Variants in NSD1 observed in about 807,000 individuals in gnomAD.
NSD1 encodes nuclear receptor binding SET domain protein 1, also known as histone-lysine N-methyltransferase, H3 lysine-36 specific.
A neutral mutation model predicts 242.7 loss-of-function variants in NSD1; 26 were observed. The ratio of observed to expected loss-of-function variants is 0.11; its 90% confidence interval spans 0.08 to 0.15. The LOEUF is 0.15. NSD1 is among the 10% of genes least tolerant of loss of function. NSD1 has a pLI of 1.00. For synonymous variants in NSD1, 1,106 were observed against 1,178.1 expected, an observed-to-expected ratio of 0.94 and a Z score of 1.25; for missense variants, 2,495 against 3,272.8, an observed-to-expected ratio of 0.76 and a Z score of 5.80.
In NSD1 at chr5:177,134,977, G is replaced by A; in HGVS notation, c.-17-110G>A. The A allele has an allele frequency of 2.2e-6, 2 of 924,216 alleles. No homozygotes were observed. The highest frequency in any genetic ancestry group is 3.4e-6 in the Non-Finnish European group (2 of 583,716). 57.3% of individuals were successfully genotyped at this position (924,216 alleles called of 1,614,324 possible). ...GGGGGAACTTTTTCTGCCCATGGAAGTGCAGCAGAAAGGCATAGAGGCCAC... is the reference window on the plus strand; with the variant it reads ...GGGGGAACTTTTTCTGCCCATGGAAATGCAGCAGAAAGGCATAGAGGCCAC... On this transcript the variant is annotated intron_variant, in intron 1 of 22. Coordinates refer to ENST00000439151, the MANE Select transcript of NSD1 (RefSeq NM_022455.5). The surrounding 1 kb of genome is among the most constrained non-coding windows in gnomAD (Gnocchi z 4.2).
In NSD1 at chr5:177,135,440, T is replaced by G; in HGVS notation, c.337T>G (p.Cys113Gly). The change falls in exon 2 of 23, where the codon TGC becomes GGC. Residue 113 changes from cysteine (C) to glycine (G), a missense_variant. Physicochemically the swap from Cys to Gly is radical, Grantham distance 159 (BLOSUM62 -3). Around this residue, in one of 19 missense-constraint regions of NSD1, gnomAD observed 376 missense variants for 367.4 expected, o/e 1.02. Transcript: ENST00000439151. ...TTCAAGAGCTCAGACGCCAATTGTTTGCACTTCCTTGAGTCCTGGTGGTCC... is the reference window on the plus strand; with the variant it reads ...TTCAAGAGCTCAGACGCCAATTGTTGGCACTTCCTTGAGTCCTGGTGGTCC... The part of the protein sequence containing the change: ...SDSRAQTPIV[C>G]TSLSPGGPTA... The G allele has an allele frequency of 6.2e-7, 1 of 1,614,162 alleles. No individual in the cohort carries two copies. The highest frequency in any genetic ancestry group is 2.2e-5 in the East Asian group (1 of 44,892).
In NSD1 at chr5:177,212,486, TC is replaced by T. The variant is rs1354272502; in HGVS notation, c.3796+292del. Among the ~76,000 whole-genome samples the T allele has an allele frequency of 0.021, 1,994 of 95,716 alleles. 43 individuals are homozygous for T. Among genetic ancestry groups the T allele is most frequent in the African/African-American group, 0.1 (1,899 of 18,434 alleles). The allele number at this position is 95,716 out of a possible 152,430, so 62.8% of individuals were successfully genotyped here. On this transcript the variant is annotated intron_variant, in intron 5 of 22. Transcript: ENST00000439151. ...TTCTCTCTCTCTCTTTCTCTCTCTCTCTTTTTTTTTTTTTTCTAATTTTTTT... is the reference window on the plus strand; with the variant it reads ...TTCTCTCTCTCTCTTTCTCTCTCTCTTTTTTTTTTTTTTTCTAATTTTTTT...
At chr5:177,185,488 C>T (rs1306618630) in intron 2 of NSD1, among the ~76,000 whole-genome samples, 1 of 150,732 alleles carries the variant, frequency 6.6e-6, no homozygotes, top group African/African-American at 2.4e-5. Context: ...ATCCCAGCTA[C>T]TCGGGAGGCT....
At chr5:177,162,651 G>A (rs962138681) in intron 2 of NSD1, among the ~76,000 whole-genome samples, 24 of 152,044 alleles carry the variant, frequency 1.6e-4, no homozygotes, top group African/African-American at 5.6e-4. Context: ...CAAAGTGCTG[G>A]GATTACAGGC....
intron 4 of NSD1, among the ~76,000 whole-genome samples, chr5:177,207,593 AT>A (rs150492535): frequency 3.5e-3 from 270 of 78,216 alleles, no homozygotes; most frequent in African/African-American, 0.013. Context: ...ATTTATTTAA[AT>A]TTTTTTTTTT....
In NSD1 at chr5:177,135,856, A is replaced by ATT. The variant is rs1756277635; in HGVS notation, c.753_754insTT (p.Ala252LeufsTer10). The ATT allele has an allele frequency of 3.1e-6, 5 of 1,605,536 alleles. No homozygotes were observed. Among genetic ancestry groups the ATT allele is most frequent in the Non-Finnish European group, 4.3e-6 (5 of 1,173,974 alleles). ...AAGTGGACGGCAGCAATGAAAAAGC[A>ATT]GCCCTTCTCCCAGCCCCCTTTTCAC... On this transcript the variant is annotated frameshift_variant, in exon 2 of 23. Transcript: ENST00000439151. LOFTEE classifies it high-confidence loss of function.
Position 177,135,498 on chromosome 5 carries a change from G to A in NSD1, c.395G>A (p.Cys132Tyr), listed in dbSNP as rs28932174. ...TALAMKQEPS[C>Y]NNSPELQVKV... Reference sequence around the variant, plus strand: ...CTTGCTATGAAACAGGAACCCTCTTGTAATAACTCCCCTGAACTCCAGGTA... The same window carrying A: ...CTTGCTATGAAACAGGAACCCTCTTATAATAACTCCCCTGAACTCCAGGTA... The change falls in exon 2 of 23, where the codon TGT becomes TAT. Residue 132 changes from cysteine to tyrosine, a missense_variant. Physicochemically the swap from Cys to Tyr is radical, Grantham distance 194. This residue lies in a region of NSD1 where 376 missense variants were observed against 367.4 expected (regional missense o/e 1.02). Transcript: ENST00000439151. 1 of 1,614,096 alleles carries A rather than the reference G, an allele frequency of 6.2e-7. No homozygotes were observed. Among genetic ancestry groups the A allele is most frequent in the East Asian group, 2.2e-5 (1 of 44,904 alleles).
chr5:177,204,408 CAGTGG>C, intron 4 of NSD1, 116 bp downstream of exon 4: 1 of 960,532 alleles, frequency 1.0e-6, no homozygotes, highest in Non-Finnish European at 1.6e-6. Context: ...GATTGGAGTA[CAGTGG>C]TGCAATCTTT....
chr5:177,159,894 TA>T (rs1420201627), intron 2 of NSD1, among the ~76,000 whole-genome samples: 2 of 150,804 alleles, frequency 1.3e-5, no homozygotes, highest in African/African-American at 4.9e-5. Flanking sequence ...CGGCCGAATA[TA>T]TTTTTTTTTT....
intron 5 of NSD1, chr5:177,229,709 G>T (rs902082013): frequency 7.9e-6 from 3 of 379,560 alleles, no homozygotes; most frequent in Non-Finnish European, 1.5e-5. Flanking sequence ...AAGAAAGAGG[G>T]GAAGCCTAGC....
Position 177,295,044 on chromosome 5 carries a change from C to T in NSD1, c.7676C>T (p.Ala2559Val), listed in dbSNP as rs1760155155. Residue 2559 changes from alanine (A) to valine (V), a missense_variant, in exon 23 of 23, where the codon GCT (alanine) becomes GTT (valine). Physicochemically the swap from Ala to Val is moderately conservative, Grantham distance 64. This residue lies in a region of NSD1 where 475 missense variants were observed against 563.7 expected (regional missense o/e 0.84). Coordinates refer to ENST00000439151, the MANE Select transcript of NSD1 (RefSeq NM_022455.5). This position sits in a 1 kb window ranked among gnomAD's most constrained non-coding sequence, Gnocchi z 4.3. The stretch of plus-strand genomic sequence containing the variant: ...CCAACAACTCAGGCCTCAGGAAGAG[C>T]TTCTGCAGGGGCTGAGCAGACCCCA... ...YEPTTQASGR[A>V]SAGAEQTPGP... The T allele has an allele frequency of 1.2e-6, 2 of 1,614,000 alleles. No individual in the cohort carries two copies. The highest frequency in any genetic ancestry group is 1.7e-6 in the Non-Finnish European group (2 of 1,179,920).
At chr5:177,286,876 C>T (rs544622814) in intron 20 of NSD1, among the ~76,000 whole-genome samples, 1 of 152,166 alleles carries the variant, frequency 6.6e-6, no homozygotes, top group Non-Finnish European at 1.5e-5. Flanking sequence ...TTGAAATTCT[C>T]AGACTCTTCC....
At chr5:177,215,210 G>A (rs983149980) in intron 5 of NSD1, among the ~76,000 whole-genome samples, 10 of 144,562 alleles carry the variant, frequency 6.9e-5, no homozygotes, top group African/African-American at 2.4e-4. Context: ...ATGGAGTTTC[G>A]CTCTTGTTGC....
At chr5:177,217,248 A>G (rs924889883) in intron 5 of NSD1, among the ~76,000 whole-genome samples, 19 of 152,170 alleles carry the variant, frequency 1.2e-4, no homozygotes, top group African/African-American at 4.1e-4. Context: ...TAAGTATTCT[A>G]TTCTTTTTTA....
chr5:177,243,271 G>A (rs144891179), intron 8 of NSD1, among the ~76,000 whole-genome samples: 297 of 152,134 alleles, frequency 2.0e-3, no homozygotes, highest in African/African-American at 6.6e-3. Context: ...TGCAACCTCC[G>A]CCTCCTGGGT....
chr5:177,182,655 C>G (rs746641606), intron 2 of NSD1, among the ~76,000 whole-genome samples: 21 of 147,984 alleles, frequency 1.4e-4, no homozygotes, highest in Non-Finnish European at 1.9e-4. Flanking sequence ...TTTATTTTTT[C>G]AAATGGGATC....
intron 2 of NSD1, among the ~76,000 whole-genome samples, chr5:177,161,338 G>A (rs1758728837): frequency 6.6e-6 from 1 of 151,912 alleles, no homozygotes; most frequent in Non-Finnish European, 1.5e-5. Flanking sequence ...CTCTGATTAT[G>A]CACTCCAGCC....
rs2149755627 is a variant in NSD1, at chr5:177,135,339, C to T, written c.236C>T (p.Ala79Val). Residue 79 changes from alanine to valine, a missense_variant, in exon 2 of 23, where the codon GCC (alanine) becomes GTC (valine). Coordinates refer to ENST00000439151, the MANE Select transcript of NSD1 (RefSeq NM_022455.5). ...YIPLRRLQDL[A>V]SMINVEYLNG... ...CCACTGCGGAGACTACAGGATTTGGCCTCCATGATCAATGTAGAGTATTTA... is the reference window on the plus strand; with the variant it reads ...CCACTGCGGAGACTACAGGATTTGGTCTCCATGATCAATGTAGAGTATTTA... The T allele has an allele frequency of 6.8e-6, 11 of 1,611,924 alleles. No homozygotes were observed. The highest frequency in any genetic ancestry group is 8.5e-6 in the Non-Finnish European group (10 of 1,178,094).
intron 5 of NSD1, 110 bp from the exon 6 acceptor site, chr5:177,235,711 C>T: frequency 7.1e-7 from 1 of 1,401,810 alleles, no homozygotes; most frequent in Non-Finnish European, 1.0e-6. Flanking sequence ...GTCTATTTTA[C>T]TATGTGGTTT....
Sources: allele counts gnomAD v4.1 joint callset (sites outside exome capture counted in the v4.1 genomes callset), GRCh38; gene constraint gnomAD v4.1.1; regional missense constraint gnomAD v4.1.1; non-coding constraint Gnocchi (gnomAD v3.1); transcripts MANE v1.5; gene names NCBI Gene and HGNC (gene_info 2026-07-23, HGNC 2026-07-21).